Variants in LSM14A observed in about 807,000 individuals in gnomAD.
The protein encoded by LSM14A is LSM14A mRNA processing body assembly factor, also known as protein LSM14 homolog A.
LSM14A carries 14 observed loss-of-function variants against 52.4 expected under a neutral mutation model. The ratio of observed to expected loss-of-function variants is 0.27; its 90% CI spans 0.18 to 0.42. LSM14A has a LOEUF of 0.42. Ranked by LOEUF, LSM14A falls within the 10% of genes least tolerant of loss-of-function variation. The probability of loss-of-function intolerance (pLI) is 1.00; values close to 1 mark genes in which losing one functional copy is unlikely to be tolerated. For synonymous variants in LSM14A, 185 were observed against 200.3 expected, an observed-to-expected ratio of 0.92 and a Z score of 0.64; for missense variants, 417 against 581.8, an observed-to-expected ratio of 0.72 and a Z score of 2.91.
chr19:34,203,545 A>G (rs2071454079), intron 3 of LSM14A, among the ~76,000 whole-genome samples: 1 of 152,198 alleles, frequency 6.6e-6, no homozygotes, highest in African/African-American at 2.4e-5. Context: ...CACGCCTGTA[A>G]TCCCAGCACT....
intron 1 of LSM14A, among the ~76,000 whole-genome samples, chr19:34,175,230 CT>C (rs924684450): frequency 4.5e-4 from 65 of 145,010 alleles, no homozygotes; most frequent in African/African-American, 5.3e-4. Flanking sequence ...TTTTCTTTTT[CT>C]TTTTTTTTTT....
chr19:34,223,983 T>C (rs2073203673), intron 9 of LSM14A, among the ~76,000 whole-genome samples: 1 of 152,178 alleles, frequency 6.6e-6, no homozygotes, highest in African/African-American at 2.4e-5. Context: ...TTATAGGGGC[T>C]GGGAGCTTAC....
intron 1 of LSM14A, among the ~76,000 whole-genome samples, chr19:34,178,477 G>GT (rs2069238434): frequency 6.6e-6 from 1 of 152,216 alleles, no homozygotes; most frequent in Non-Finnish European, 1.5e-5. Context: ...TGTTTCTGCA[G>GT]TTTGTTGCAG....
At position 34,215,166 on chromosome 19, in the gene LSM14A, C is replaced by A; in HGVS notation, c.581C>A (p.Thr194Asn). 1.2e-6 allele frequency: 2 copies of A among 1,613,780 alleles called. No homozygotes were observed. Among genetic ancestry groups the A allele is most frequent in the South Asian group, 2.2e-5 (2 of 91,006 alleles). Residue 194 changes from threonine to asparagine, a missense_variant, in exon 5 of 10, where the codon ACC becomes AAC. Transcript: ENST00000544216. ...PQLDPLRKSP[T>N]MEQAVQTASA... ...TTAGACCCTTTGAGAAAAAGCCCAA[C>A]CATGGAACAAGCAGTGCAGACCGCC...
At chr19:34,200,718 G>GT (rs1314177633) in intron 3 of LSM14A, among the ~76,000 whole-genome samples, 2 of 152,144 alleles carry the variant, frequency 1.3e-5, no homozygotes, top group Non-Finnish European at 2.9e-5. Context: ...GTGAAATAGT[G>GT]TAACTTTGGT....
chr19:34,176,281 C>CT (rs573167728), intron 1 of LSM14A, among the ~76,000 whole-genome samples: 39 of 146,422 alleles, frequency 2.7e-4, no homozygotes, highest in African/African-American at 3.2e-4. Context: ...CTCTTTTGAA[C>CT]TTTTTTTTTT....
At chr19:34,173,357 C>G (rs1283061169) in intron 1 of LSM14A, among the ~76,000 whole-genome samples, 5 of 152,182 alleles carry the variant, frequency 3.3e-5, no homozygotes, top group Non-Finnish European at 7.3e-5. Context: ...CCGGAATCCT[C>G]AAAGCCTGTT....
chr19:34,210,376 T>C (rs558844458), intron 4 of LSM14A, among the ~76,000 whole-genome samples: 12 of 151,616 alleles, frequency 7.9e-5, no homozygotes, highest in Non-Finnish European at 1.6e-4. Context: ...TTCAAGCGAT[T>C]CTCCTGCCTC....
intron 3 of LSM14A, among the ~76,000 whole-genome samples, chr19:34,197,459 G>A (rs1167979913): frequency 2.5e-5 from 3 of 121,890 alleles, no homozygotes; most frequent in Non-Finnish European, 1.6e-5. Flanking sequence ...TTTTTTCTGA[G>A]GCAGAGTCTT....
At chr19:34,173,386 G>C (rs928982452) in intron 1 of LSM14A, among the ~76,000 whole-genome samples, 1 of 152,066 alleles carries the variant, frequency 6.6e-6, no homozygotes, top group East Asian at 1.9e-4. Context: ...ACCTCATTAG[G>C]GCGCGTGGTA....
intron 6 of LSM14A, among the ~76,000 whole-genome samples, chr19:34,216,459 G>A (rs1468149935): frequency 6.6e-6 from 1 of 151,928 alleles, no homozygotes; most frequent in African/African-American, 2.4e-5. Context: ...CTACTTAGTG[G>A]TAGGCCTTTT....
intron 1 of LSM14A, among the ~76,000 whole-genome samples, chr19:34,194,152 G>A (rs2070671934): frequency 6.6e-6 from 1 of 152,108 alleles, no homozygotes. Context: ...CAGCCTAGGG[G>A]ACAGAGACCC....
At chr19:34,192,014 G>A (rs62895460) in intron 1 of LSM14A, among the ~76,000 whole-genome samples, 1 of 12 alleles carries the variant, frequency 0.083, no homozygotes, top group South Asian at 0.5. Context: ...AAATTTCTCT[G>A]GGGGGCAGGA....
intron 8 of LSM14A, among the ~76,000 whole-genome samples, chr19:34,220,252 C>T (rs1389341769): frequency 1.3e-5 from 2 of 152,146 alleles, no homozygotes; most frequent in African/African-American, 4.8e-5. Context: ...GCCACCACAC[C>T]TGGCCATAAT....
intron 1 of LSM14A, among the ~76,000 whole-genome samples, chr19:34,189,820 G>C (rs1302985035): frequency 6.6e-6 from 1 of 152,148 alleles, no homozygotes; most frequent in Non-Finnish European, 1.5e-5. Flanking sequence ...AAAGATAGTA[G>C]TGTGCTTAAA....
chr19:34,194,537 G>A lies in LSM14A; in HGVS notation c.181G>A (p.Val61Ile), dbSNP rs773673919. 2.5e-6 allele frequency: 4 copies of A among 1,614,100 alleles called. No individual in the cohort carries two copies. Among genetic ancestry groups the A allele is most frequent in the Non-Finnish European group, 1.7e-6 (2 of 1,179,958 alleles). ...TCGTCCAATACCACCTCGAGATGAA[G>A]TCTTTGAATACATTATATTCCGTGG... ...TDRPIPPRDE[V>I]FEYIIFRGSD... Residue 61 changes from valine (V) to isoleucine (I), a missense_variant, in exon 2 of 10, where the codon GTC becomes ATC. Physicochemically the swap from Val to Ile is conservative, Grantham distance 29. Around this residue, in one of 2 missense-constraint regions of LSM14A, gnomAD observed 60 missense variants for 124.8 expected, o/e 0.48. Coordinates refer to ENST00000544216, the MANE Select transcript of LSM14A (RefSeq NM_015578.4).
intron 2 of LSM14A, 130 bp downstream of exon 2, chr19:34,194,771 G>A: frequency 1.2e-6 from 1 of 814,274 alleles, no homozygotes; most frequent in Non-Finnish European, 2.1e-6. Flanking sequence ...GAAATTACTG[G>A]ATAATGTTCT....
At chr19:34,225,873 G>T (rs559293882) in intron 9 of LSM14A, among the ~76,000 whole-genome samples, 1 of 152,146 alleles carries the variant, frequency 6.6e-6, no homozygotes, top group Admixed American at 6.5e-5. Flanking sequence ...GACAGCATGG[G>T]CAACATAAGG....
At chr19:34,173,988 G>A (rs2068900791) in intron 1 of LSM14A, among the ~76,000 whole-genome samples, 1 of 151,718 alleles carries the variant, frequency 6.6e-6, no homozygotes, top group Non-Finnish European at 1.5e-5. Context: ...AGCTCTTTTT[G>A]CTCAGGCTGG....
Sources: allele counts gnomAD v4.1 joint callset (sites outside exome capture counted in the v4.1 genomes callset), GRCh38; gene constraint gnomAD v4.1.1; regional missense constraint gnomAD v4.1.1; transcripts MANE v1.5; gene names NCBI Gene and HGNC (gene_info 2026-07-23, HGNC 2026-07-21).